The following TOP3B variants were observed in gnomAD, a reference collection of about 807,000 sequenced individuals.
The protein encoded by TOP3B is DNA topoisomerase 3-beta-1.
In TOP3B, 45 loss-of-function variants were observed where a neutral mutation model predicts 93.9. The ratio of observed to expected loss-of-function variants is 0.48; its 90% CI spans 0.38 to 0.61. TOP3B has a LOEUF of 0.61. Ranked by LOEUF, TOP3B falls within the 20% of genes least tolerant of loss-of-function variation. The pLI is 0.00. For missense variants in TOP3B, 750 were observed against 1,156.1 expected, an observed-to-expected ratio of 0.65 and a Z score of 5.09; for synonymous variants, 357 against 472.6, an observed-to-expected ratio of 0.76 and a Z score of 3.17.
At chr22:21,958,169 G>A in intron 17 of TOP3B, 1 of 1,269,408 alleles carries the variant, frequency 7.9e-7, no homozygotes, top group Non-Finnish European at 1.0e-6. Flanking sequence ...CGCTGACTGG[G>A]GGTGCCCGCT....
chr22:21,960,284 C>A, intron 14 of TOP3B, 37 bp downstream of exon 14: 1 of 1,612,074 alleles, frequency 6.2e-7, no homozygotes, highest in Non-Finnish European at 8.5e-7. Flanking sequence ...AGCCAGGGAG[C>A]CTCGGTGGGC....
intron 8 of TOP3B, 170 bp from the exon 9 acceptor site, chr22:21,965,545 A>G (rs2071383412): frequency 4.7e-6 from 2 of 424,754 alleles, no homozygotes; most frequent in Non-Finnish European, 8.3e-6. Flanking sequence ...AGGACCAGGA[A>G]AGGAAAAAGA....
At position 21,962,738 on chromosome 22, in the gene TOP3B, T is replaced by C; in HGVS notation, c.1351+9A>G. On this transcript the variant is annotated intron_variant, in intron 12 of 17. Transcript: ENST00000357179. ...GCACAGAGGAGGAAGGCTGGGCCCG[T>C]GGTGTGACCTGGTGAGAGGACGGTC... 3.1e-6 allele frequency: 5 copies of C among 1,614,046 alleles called. No individual in the cohort carries two copies. Among genetic ancestry groups the C allele is most frequent in the Non-Finnish European group, 4.2e-6 (5 of 1,180,006 alleles).
intron 14 of TOP3B, chr22:21,960,119 C>G (rs1033068986): frequency 1.3e-6 from 1 of 793,184 alleles, no homozygotes; most frequent in African/African-American, 1.7e-5. Context: ...ATCTGTTCAG[C>G]CTTCAAACAC....
Position 21,964,247 on chromosome 22 carries a change from G to T in TOP3B, c.1012C>A (p.Arg338=). The T allele has an allele frequency of 6.2e-7, 1 of 1,614,172 alleles. No homozygotes were observed. The highest frequency in any genetic ancestry group is 1.3e-5 in the African/African-American group (1 of 75,064). ...LYTQGYISYP[R]TETTHYPENF... ...TCAGGGTAGTGGGTGGTCTCTGTCC[G>T]TGGGTAGCTGATGTAGCCTTGCGTG... The change falls in exon 10 of 18, where the codon CGG becomes AGG. Residue 338 remains arginine (R), a synonymous_variant. Transcript: ENST00000357179.
At chr22:21,972,451 T>C in intron 4 of TOP3B, 161 bp downstream of exon 4, 1 of 587,004 alleles carries the variant, frequency 1.7e-6, no homozygotes, top group Non-Finnish European at 3.0e-6. Context: ...TGGGGGTGCC[T>C]GCAGGTGCCT....
chr22:21,979,133 G>A (rs2084560220), intron 1 of TOP3B, among the ~76,000 whole-genome samples: 1 of 152,092 alleles, frequency 6.6e-6, no homozygotes, highest in South Asian at 2.1e-4. Flanking sequence ...TTAGATGGGA[G>A]AGTCCAGGTG....
At position 21,979,941 on chromosome 22, in the gene TOP3B, CAAAAAA is replaced by C. The variant is rs57880095; in HGVS notation, c.-99+2783_-99+2788del. Among the ~76,000 whole-genome samples the C allele has an allele frequency of 7.5e-5, 4 of 53,442 alleles. No homozygotes were observed. In the East Asian group the frequency reaches 2.4e-3, roughly 32 times the overall value. The allele number at this position is 53,442 out of a possible 152,430, so 35.1% of individuals were successfully genotyped here. On this transcript the variant is annotated intron_variant, in intron 1 of 17. Coordinates refer to ENST00000357179, the MANE Select transcript of TOP3B (RefSeq NM_001282112.2). ...GGGCGACAGAGTGAGACTCCATCTC[CAAAAAA>C]AAAAAAAAAAAAAAAAAGCATGGCA... is the stretch of plus-strand genomic sequence containing the variant.
chr22:21,970,172 T>G lies in TOP3B; in HGVS notation c.581+38A>C, dbSNP rs747460021. 2 of 1,589,606 alleles carry G rather than the reference T, an allele frequency of 1.3e-6. No homozygotes were observed. Among genetic ancestry groups the G allele is most frequent in the Admixed American group, 3.4e-5 (2 of 59,642 alleles). ...AGGCAGGTCTCTGGCTGAGGGAGAG[T>G]GAGGGTGTGCCCAGGACTCTGCGGG... On this transcript the variant is annotated intron_variant, in intron 6 of 17. Transcript: ENST00000357179. The surrounding 1 kb of genome is among the most constrained non-coding windows in gnomAD (Gnocchi z 4.4).
Position 21,975,745 on chromosome 22 carries a change from C to A in TOP3B, c.-36G>T, listed in dbSNP as rs1302295236. ...TCCTTCACACTCCAGTTTCGGGGCA[C>A]TGGCAATGAAAAAGTTTAGACTCCA... On this transcript the variant is annotated 5_prime_UTR_variant, in exon 2 of 18. Transcript: ENST00000357179. The A allele has an allele frequency of 6.3e-7, 1 of 1,587,330 alleles. No individual in the cohort carries two copies. The highest frequency in any genetic ancestry group is 8.6e-7 in the Non-Finnish European group (1 of 1,162,190).
chr22:21,970,263 G>C lies in TOP3B; in HGVS notation c.528C>G (p.Leu176=), dbSNP rs2071582362. The change falls in exon 6 of 18, where the codon CTC becomes CTG. Residue 176 remains leucine, a synonymous_variant. Transcript: ENST00000357179. The surrounding 1 kb of genome is among the most constrained non-coding windows in gnomAD (Gnocchi z 4.4). ...CCAGCTCCTGGCGAGCATCCACTGAGAGCGCCTCGTTGTGGTCAGGCTCGC... is the reference window on the plus strand; with the variant it reads ...CCAGCTCCTGGCGAGCATCCACTGACAGCGCCTCGTTGTGGTCAGGCTCGC... The part of the protein sequence containing the change: ...CLGEPDHNEA[L]SVDARQELDL... The C allele has an allele frequency of 1.2e-6, 2 of 1,613,872 alleles. No homozygotes were observed. Among genetic ancestry groups the C allele is most frequent in the Non-Finnish European group, 1.7e-6 (2 of 1,180,024 alleles).
At chr22:21,977,847 G>C (rs2145883512) in intron 1 of TOP3B, among the ~76,000 whole-genome samples, 1 of 152,230 alleles carries the variant, frequency 6.6e-6, no homozygotes, top group Middle Eastern at 3.4e-3. Context: ...CCTAGTCCAG[G>C]ATGCAGGGAA....
At position 21,968,700 on chromosome 22, in the gene TOP3B, A is replaced by T. The variant is rs755851114; in HGVS notation, c.657T>A (p.Thr219=). 1 of 1,614,106 alleles carries T rather than the reference A, an allele frequency of 6.2e-7. No homozygotes were observed. Among genetic ancestry groups the T allele is most frequent in the African/African-American group, 1.3e-5 (1 of 74,942 alleles). The change falls in exon 7 of 18, where the codon ACT becomes ACA. Residue 219 remains threonine, a synonymous_variant. Transcript: ENST00000357179. ...SSLISFGPCQ[T]PTLGFCVERH... ...TCTCCACACAGAATCCCAGGGTTGG[A>T]GTCTGACACGGCCCAAAGGAGATGA... is the stretch of plus-strand genomic sequence containing the variant.
chr22:21,972,747 C>A, intron 3 of TOP3B, 29 bp from the exon 4 acceptor site: 1 of 1,577,866 alleles, frequency 6.3e-7, no homozygotes, highest in South Asian at 1.1e-5. Context: ...GACATTGAGT[C>A]ACAGGAGCTC....
chr22:21,981,889 C>T (rs1240177401), intron 1 of TOP3B, among the ~76,000 whole-genome samples: 3 of 152,096 alleles, frequency 2.0e-5, no homozygotes, highest in African/African-American at 7.2e-5. Context: ...GGATTTACCA[C>T]CTCAGTAACT....
chr22:21,959,797 C>G (rs573403876), intron 14 of TOP3B, 61 bp from the exon 15 acceptor site: 18 of 1,576,016 alleles, frequency 1.1e-5, no homozygotes, highest in Non-Finnish European at 1.5e-5. Context: ...CATGCCACCC[C>G]TTCCCAGGCA....
At chr22:21,960,262 C>G in intron 14 of TOP3B, 59 bp downstream of exon 14, 1 of 1,609,854 alleles carries the variant, frequency 6.2e-7, no homozygotes, top group Admixed American at 1.7e-5. Context: ...GCAGAGCCAA[C>G]ATCCAGGGAG....
rs1239011474 is a variant in TOP3B at position 21,974,430 on chromosome 22, C to A, written c.129G>T (p.Gly43=). The part of the protein sequence containing the change: ...NGACSVHEYT[G]TFAGQPVRFK... ...AGCGCACTGGCTGGCCAGCAAAGGT[C>A]CCAGTGTACTCGTGGACTGAGCAGG... is the stretch of plus-strand genomic sequence containing the variant. The change falls in exon 3 of 18, where the codon GGG becomes GGT. Residue 43 remains glycine, a synonymous_variant. Coordinates refer to ENST00000357179, the MANE Select transcript of TOP3B (RefSeq NM_001282112.2). 1 of 1,613,988 alleles carries A rather than the reference C, an allele frequency of 6.2e-7. No individual in the cohort carries two copies. The highest frequency in any genetic ancestry group is 1.3e-5 in the African/African-American group (1 of 74,914).
chr22:21,963,090 C>G lies in TOP3B; in HGVS notation c.1205-197G>C. 1 of 614,652 alleles carries G rather than the reference C, an allele frequency of 1.6e-6. No individual in the cohort carries two copies. Among genetic ancestry groups the G allele is most frequent in the Non-Finnish European group, 2.9e-6 (1 of 350,722 alleles). 38.1% of individuals were successfully genotyped at this position (614,652 alleles called of 1,614,324 possible). ...GGCTCATGCCTGTAATCCTAGCACT[C>G]TGGGAGGCTAAGGTGGATGGATCAC... On this transcript the variant is annotated intron_variant, in intron 11 of 17. Coordinates refer to ENST00000357179, the MANE Select transcript of TOP3B (RefSeq NM_001282112.2). The surrounding 1 kb of genome is among the most constrained non-coding windows in gnomAD (Gnocchi z 4.8).
Sources: allele counts gnomAD v4.1 joint callset (sites outside exome capture counted in the v4.1 genomes callset), GRCh38; gene constraint gnomAD v4.1.1; non-coding constraint Gnocchi (gnomAD v3.1); transcripts MANE v1.5; gene names NCBI Gene and HGNC (gene_info 2026-07-23, HGNC 2026-07-21).